Variants in UVRAG observed in about 807,000 individuals in gnomAD.
The protein encoded by UVRAG is UV radiation resistance associated, also known as UV radiation resistance-associated gene protein.
Under a neutral mutation model 78.0 loss-of-function variants are expected in UVRAG, and 19 were observed. The ratio of observed to expected loss-of-function variants is 0.24; its 90% CI spans 0.17 to 0.36. The LOEUF (loss-of-function observed/expected upper bound fraction) is 0.36. UVRAG is among the 10% of genes least tolerant of loss of function. The pLI, the probability that UVRAG is intolerant of heterozygous loss-of-function variation, is 1.00. For synonymous variants in UVRAG, 323 were observed against 324.6 expected, an observed-to-expected ratio of 1.00 and a Z score of 0.05; for missense variants, 740 against 853.8, an observed-to-expected ratio of 0.87 and a Z score of 1.66.
chr11:75,912,317 C>T (rs980087868), intron 6 of UVRAG, among the ~76,000 whole-genome samples: 2 of 152,150 alleles, frequency 1.3e-5, no homozygotes, highest in African/African-American at 4.8e-5. Context: ...GTCTTCTGTA[C>T]CCTACAGAAC....
chr11:75,873,035 G>A (rs183974566), intron 3 of UVRAG, among the ~76,000 whole-genome samples: 8 of 152,308 alleles, frequency 5.3e-5, no homozygotes, highest in African/African-American at 1.9e-4. Flanking sequence ...CATGCCAGGT[G>A]CCGTAAGAAA....
intron 13 of UVRAG, among the ~76,000 whole-genome samples, chr11:76,069,699 A>C (rs531875998): frequency 1.1e-4 from 17 of 152,320 alleles, no homozygotes; most frequent in Admixed American, 3.3e-4. Flanking sequence ...TGCAAAGTAA[A>C]AAGGGCAGAT....
chr11:75,901,324 A>G (rs377268289), intron 5 of UVRAG, among the ~76,000 whole-genome samples: 5 of 152,210 alleles, frequency 3.3e-5, no homozygotes, highest in Admixed American at 2.6e-4. Flanking sequence ...TAAGTAGAAG[A>G]CGACTATTTT....
intron 14 of UVRAG, among the ~76,000 whole-genome samples, chr11:76,134,511 G>A (rs1375397630): frequency 2.0e-5 from 3 of 152,042 alleles, no homozygotes; most frequent in Admixed American, 6.6e-5. Flanking sequence ...TAGGAGTTTC[G>A]TTTGTTCCTG....
rs1162412998 is a variant in UVRAG, at chr11:76,092,526, C to T, written c.1306-23398C>T. ...TGTTTCCTGACTTTTTAATGATCGC[C>T]ATTCTAATTGGCGTGAGATGGTATC... On this transcript the variant is annotated intron_variant, in intron 13 of 14. Coordinates refer to ENST00000356136, the MANE Select transcript of UVRAG (RefSeq NM_003369.4). Among the ~76,000 whole-genome samples the T allele has an allele frequency of 2.0e-5, 3 of 152,280 alleles. No individual in the cohort carries two copies. The East Asian group carries it at 5.8e-4, about 29-fold the overall frequency.
chr11:76,009,455 T>G (rs1950010304), intron 11 of UVRAG, among the ~76,000 whole-genome samples: 1 of 152,196 alleles, frequency 6.6e-6, no homozygotes, highest in Non-Finnish European at 1.5e-5. Flanking sequence ...TCCAAAGAAT[T>G]TATTTTCTTT....
chr11:76,109,485 A>G (rs1412436688), intron 13 of UVRAG, among the ~76,000 whole-genome samples: 1 of 152,174 alleles, frequency 6.6e-6, no homozygotes, highest in Non-Finnish European at 1.5e-5. Context: ...TTGAACTCTT[A>G]CAACTATCTT....
intron 1 of UVRAG, among the ~76,000 whole-genome samples, chr11:75,829,587 C>T (rs1046042473): frequency 6.6e-6 from 1 of 152,182 alleles, no homozygotes; most frequent in African/African-American, 2.4e-5. Context: ...GACAGAGACA[C>T]TGCCTTCATG....
chr11:76,067,627 A>G (rs971651123), intron 13 of UVRAG, among the ~76,000 whole-genome samples: 1 of 152,064 alleles, frequency 6.6e-6, no homozygotes, highest in African/African-American at 2.4e-5. Flanking sequence ...GTGTGGTGGC[A>G]TGCACCTGTA....
At chr11:75,821,314 TC>T (rs1565329257) in intron 1 of UVRAG, among the ~76,000 whole-genome samples, 1 of 152,198 alleles carries the variant, frequency 6.6e-6, no homozygotes, top group Non-Finnish European at 1.5e-5. Context: ...TTTTGTTTAT[TC>T]ATTCATCTCT....
At chr11:75,933,402 T>G (rs917103857) in intron 6 of UVRAG, among the ~76,000 whole-genome samples, 4 of 152,136 alleles carry the variant, frequency 2.6e-5, no homozygotes, top group African/African-American at 9.7e-5. Context: ...ACTATGAAAC[T>G]ATTAAAAGAA....
chr11:75,892,370 T>C (rs577198821), intron 5 of UVRAG: 1 of 985,476 alleles, frequency 1.0e-6, no homozygotes, highest in Non-Finnish European at 1.2e-6. Context: ...ATTTGTCTCC[T>C]GTGTGGGAAC....
chr11:76,089,113 G>A (rs747798386), intron 13 of UVRAG, among the ~76,000 whole-genome samples: 1 of 152,162 alleles, frequency 6.6e-6, no homozygotes, highest in South Asian at 2.1e-4. Flanking sequence ...GGCAAAGGGA[G>A]TTCACATTTG....
At chr11:75,963,535 T>C (rs987218985) in intron 7 of UVRAG, among the ~76,000 whole-genome samples, 4 of 152,238 alleles carry the variant, frequency 2.6e-5, no homozygotes, top group Non-Finnish European at 5.9e-5. Flanking sequence ...AATTGGCCCA[T>C]GGCCATTGTA....
intron 3 of UVRAG, among the ~76,000 whole-genome samples, chr11:75,873,727 G>A (rs1452927793): frequency 6.6e-6 from 1 of 152,166 alleles, no homozygotes; most frequent in Non-Finnish European, 1.5e-5. Context: ...CAGCTTGCTT[G>A]TTTGTCCTGT....
At chr11:76,034,964 A>G (rs959692730) in intron 12 of UVRAG, among the ~76,000 whole-genome samples, 4 of 152,160 alleles carry the variant, frequency 2.6e-5, no homozygotes, top group Non-Finnish European at 5.9e-5. Context: ...GAAACTTTTT[A>G]TTATTTTAAT....
At chr11:76,039,582 A>G (rs1950603078) in intron 12 of UVRAG, among the ~76,000 whole-genome samples, 1 of 152,242 alleles carries the variant, frequency 6.6e-6, no homozygotes, top group Non-Finnish European at 1.5e-5. Flanking sequence ...TATGGTTAAT[A>G]AAAAGGGTGA....
chr11:75,895,162 G>A (rs533564501), intron 5 of UVRAG, among the ~76,000 whole-genome samples: 2 of 152,270 alleles, frequency 1.3e-5, no homozygotes, highest in African/African-American at 4.8e-5. Context: ...TTTCAATAAT[G>A]CCTAAAATTT....
intron 6 of UVRAG, among the ~76,000 whole-genome samples, chr11:75,925,178 C>T (rs926928189): frequency 6.6e-6 from 1 of 152,170 alleles, no homozygotes; most frequent in Admixed American, 6.5e-5. Context: ...TACATTCCCG[C>T]TGGTGCCAGG....
Sources: gnomAD v4.1 joint callset for allele counts (sites outside exome capture counted in the v4.1 genomes callset) on GRCh38, gnomAD v4.1.1 for gene constraint, MANE v1.5 for transcripts, NCBI Gene and HGNC (gene_info 2026-07-23, HGNC 2026-07-21) for gene names.